C1orf52: variants seen among roughly 807,000 people sequenced by gnomAD.
C1orf52 encodes chromosome 1 open reading frame 52.
C1orf52 carries 5 observed loss-of-function variants against 17.2 expected under a neutral mutation model. The ratio of observed to expected loss-of-function variants is 0.29; its 90% confidence interval spans 0.15 to 0.61. The LOEUF (loss-of-function observed/expected upper bound fraction) is 0.61. Ranked by LOEUF, C1orf52 falls within the 20% of genes least tolerant of loss-of-function variation. The pLI is 0.85. For missense variants in C1orf52, 245 were observed against 234.1 expected (o/e 1.05, Z -0.30); for synonymous variants, 110 against 88.0 (o/e 1.25, Z -1.40).
intron 2 of C1orf52, among the ~76,000 whole-genome samples, chr1:85,254,706 C>T (rs1213872175): frequency 1.3e-5 from 2 of 152,176 alleles, no homozygotes; most frequent in South Asian, 2.1e-4. Flanking sequence ...TGCTTTTTAA[C>T]GAGTTAATTA....
chr1:85,254,099 C>A (rs945853486), intron 2 of C1orf52, among the ~76,000 whole-genome samples: 3 of 152,098 alleles, frequency 2.0e-5, no homozygotes, highest in South Asian at 2.1e-4. Context: ...AATCTTAAGC[C>A]TTCAATTCCC....
At chr1:85,259,072 G>T (rs560389048) in intron 1 of C1orf52, 4 of 1,347,926 alleles carry the variant, frequency 3.0e-6, no homozygotes, top group Non-Finnish European at 3.8e-6. Context: ...CTGCAGCGGG[G>T]GGGGCGGGGG....
At chr1:85,258,867 A>G (rs550280150) in intron 1 of C1orf52, 145 bp from the exon 2 acceptor site, 4 of 1,427,506 alleles carry the variant, frequency 2.8e-6, no homozygotes, top group Non-Finnish European at 3.7e-6. Flanking sequence ...TTCCATCAAA[A>G]TCACAATACT....
In C1orf52 at chr1:85,259,362, T is replaced by A; in HGVS notation, c.272A>T (p.Glu91Val). The A allele has an allele frequency of 6.2e-7, 1 of 1,610,734 alleles. No homozygotes were observed. Among genetic ancestry groups the A allele is most frequent in the African/African-American group, 1.3e-5 (1 of 74,914 alleles). ...AAACGGGGTCGGGGACCTCACCTCC[T>A]CAGGCGCCTTGACGACGTGCCTCTC... is the stretch of plus-strand genomic sequence containing the variant. ...DWERHVVKAP[E>V]EPPKEFKIWK... The change falls in exon 1 of 3, where the codon GAG (glutamate) becomes GTG (valine). Residue 91 changes from glutamate (E) to valine (V), a missense_variant. Transcript: ENST00000471115.
chr1:85,253,268 T>C (rs191988508), intron 2 of C1orf52, among the ~76,000 whole-genome samples: 3 of 152,332 alleles, frequency 2.0e-5, no homozygotes, highest in South Asian at 2.1e-4. Flanking sequence ...TTTGTAAGAA[T>C]GGAGCATATT....
chr1:85,253,807 T>G (rs1341250258), intron 2 of C1orf52, among the ~76,000 whole-genome samples: 1 of 152,164 alleles, frequency 6.6e-6, no homozygotes, highest in Non-Finnish European at 1.5e-5. Flanking sequence ...GACTAGTTGC[T>G]AATTCCATCT....
chr1:85,256,513 G>A (rs1659939940), intron 2 of C1orf52, among the ~76,000 whole-genome samples: 1 of 152,096 alleles, frequency 6.6e-6, no homozygotes, highest in African/African-American at 2.4e-5. Flanking sequence ...ATTATGAAAA[G>A]GAATGGCCGG....
intron 2 of C1orf52, among the ~76,000 whole-genome samples, chr1:85,256,940 G>C (rs1659959169): frequency 6.6e-6 from 1 of 152,050 alleles, no homozygotes; most frequent in Non-Finnish European, 1.5e-5. Flanking sequence ...CATATTAGAA[G>C]TCAGCAAAAG....
At chr1:85,253,649 T>C (rs1456362312) in intron 2 of C1orf52, among the ~76,000 whole-genome samples, 3 of 152,174 alleles carry the variant, frequency 2.0e-5, no homozygotes, top group Non-Finnish European at 4.4e-5. Context: ...AACAATGTTC[T>C]TTACACCTTT....
rs1315069245 is a variant in C1orf52 at position 85,250,224 on chromosome 1, T to C, written c.*2405A>G. ...GGAATTGTGGGAATTACAATTCAAGTGAGATTTGGTTGGGGACACAGCCAA... is the reference window on the plus strand; with the variant it reads ...GGAATTGTGGGAATTACAATTCAAGCGAGATTTGGTTGGGGACACAGCCAA... On this transcript the variant is annotated 3_prime_UTR_variant, in exon 3 of 3. Coordinates refer to ENST00000471115, the MANE Select transcript of C1orf52 (RefSeq NM_198077.4). 1 of 152,162 alleles carries C rather than the reference T, an allele frequency of 6.6e-6. No homozygotes were observed. The highest frequency in any genetic ancestry group is 1.5e-5 in the Non-Finnish European group (1 of 68,046). 9.4% of individuals were successfully genotyped at this position (152,162 alleles called of 1,614,324 possible). A position where few individuals can be genotyped will look rare whatever the true frequency, so the allele number is the denominator to read the frequency against.
At chr1:85,257,326 T>C in intron 2 of C1orf52, 1 of 635,400 alleles carries the variant, frequency 1.6e-6, no homozygotes, top group Non-Finnish European at 2.9e-6. Context: ...AGGTGATACC[T>C]GAGATTTCTT....
intron 2 of C1orf52, among the ~76,000 whole-genome samples, chr1:85,254,159 A>G (rs554403442): frequency 6.9e-6 from 1 of 144,962 alleles, no homozygotes; most frequent in Non-Finnish European, 1.5e-5. Flanking sequence ...GATGCAGATA[A>G]CAATCAATAC....
In C1orf52 at chr1:85,259,488, C is replaced by T. The variant is rs757951806; in HGVS notation, c.146G>A (p.Arg49Lys). 4 of 1,613,820 alleles carry T rather than the reference C, an allele frequency of 2.5e-6. No individual in the cohort carries two copies. In the East Asian group the frequency reaches 6.7e-5, roughly 27 times the overall value. The change falls in exon 1 of 3, where the codon AGG becomes AAG. Residue 49 changes from arginine to lysine, a missense_variant. Arg to Lys is a conservative substitution (Grantham distance 26). Coordinates refer to ENST00000471115, the MANE Select transcript of C1orf52 (RefSeq NM_198077.4). ...PDPAKSAGGC[R>K]NKAEKRLPGP... ...CGGGAGCCGCTTCTCCGCCTTGTTC[C>T]TACAGCCGCCCGCCGACTTCGCCGG...
chr1:85,257,070 A>G (rs1659962694), intron 2 of C1orf52, among the ~76,000 whole-genome samples: 1 of 152,210 alleles, frequency 6.6e-6, no homozygotes, highest in South Asian at 2.1e-4. Context: ...TAGCCCTTGT[A>G]TTGTGGGAAG....
At chr1:85,257,826 C>T (rs1435161761) in intron 2 of C1orf52, among the ~76,000 whole-genome samples, 2 of 152,126 alleles carry the variant, frequency 1.3e-5, no homozygotes, top group African/African-American at 4.8e-5. Context: ...AGCCTTCGGC[C>T]GGGAGCGGTG....
At chr1:85,256,339 C>T (rs906470642) in intron 2 of C1orf52, among the ~76,000 whole-genome samples, 2 of 152,088 alleles carry the variant, frequency 1.3e-5, no homozygotes, top group African/African-American at 4.8e-5. Context: ...TCAGGTTGCT[C>T]GGAGTAATAA....
In C1orf52 at chr1:85,258,688, T is replaced by G; in HGVS notation, c.311A>C (p.Tyr104Ser). The G allele has an allele frequency of 6.2e-7, 1 of 1,612,086 alleles. No homozygotes were observed. Among genetic ancestry groups the G allele is most frequent in the Non-Finnish European group, 8.5e-7 (1 of 1,179,702 alleles). The change falls in exon 2 of 3, where the codon TAT becomes TCT. Residue 104 changes from tyrosine (Y) to serine (S), a missense_variant. Transcript: ENST00000471115. The part of the protein sequence containing the change: ...PKEFKIWKSN[Y>S]VPPPETYTTE... ...GGTGTAGGTCTCAGGAGGTGGTACA[T>G]AATTTGACTTCCATATTTTGAATTC...
chr1:85,258,801 C>T (rs1660014814), intron 1 of C1orf52, 79 bp from the exon 2 acceptor site: 1 of 1,424,662 alleles, frequency 7.0e-7, no homozygotes. Context: ...AACTCCCTGC[C>T]GTTCGCTTAT....
intron 2 of C1orf52, among the ~76,000 whole-genome samples, chr1:85,253,358 TCTG>T (rs781640786): frequency 1.2e-4 from 18 of 152,184 alleles, no homozygotes; most frequent in Non-Finnish European, 1.5e-4. Context: ...TTCCTTTCAA[TCTG>T]CTTTCTCTCC....
Sources: gnomAD v4.1 joint callset for allele counts (sites outside exome capture counted in the v4.1 genomes callset) on GRCh38, gnomAD v4.1.1 for gene constraint, MANE v1.5 for transcripts, NCBI Gene and HGNC (gene_info 2026-07-23, HGNC 2026-07-21) for gene names.